The following TIFA variants were observed in gnomAD, a reference collection of about 807,000 sequenced individuals.
The protein encoded by TIFA is TRAF-interacting protein with FHA domain-containing protein A.
For missense variants in TIFA, 186 were observed against 215.2 expected, an observed-to-expected ratio of 0.86 and a Z score of 0.85; for synonymous variants, 75 against 79.2, an observed-to-expected ratio of 0.95 and a Z score of 0.28.
rs1727162647 is a variant in TIFA at position 112,278,373 on chromosome 4, C to A, written c.44G>T (p.Cys15Phe). Residue 15 changes from cysteine (C) to phenylalanine (F), a missense_variant, in exon 2 of 2, where the codon TGT becomes TTT. Coordinates refer to ENST00000361717, the MANE Select transcript of TIFA (RefSeq NM_052864.3). The part of the protein sequence containing the change: ...EDADTEETVT[C>F]LQMTVYHPGQ... The stretch of plus-strand genomic sequence containing the variant: ...AGGATGGTAAACCGTCATCTGGAGA[C>A]AAGTTACTGTCTCTTCTGTGTCAGC... 2 of 1,598,826 alleles carry A rather than the reference C, an allele frequency of 1.3e-6. No individual in the cohort carries two copies. Among genetic ancestry groups the A allele is most frequent in the Non-Finnish European group, 1.7e-6 (2 of 1,172,436 alleles).
chr4:112,285,057 A>G (rs1727296989), intron 1 of TIFA, among the ~76,000 whole-genome samples: 1 of 152,226 alleles, frequency 6.6e-6, no homozygotes, highest in African/African-American at 2.4e-5. Context: ...AGTGAGGCTC[A>G]GTGTGGATTT....
Position 112,278,265 on chromosome 4 carries a change from C to T in TIFA, c.152G>A (p.Arg51Gln), listed in dbSNP as rs748270021. 15 of 1,613,934 alleles carry T rather than the reference C, an allele frequency of 9.3e-6. No homozygotes were observed. Among genetic ancestry groups the T allele is most frequent in the African/African-American group, 5.3e-5 (4 of 74,900 alleles). Residue 51 changes from arginine (R) to glutamine (Q), a missense_variant, in exon 2 of 2, where the codon CGA becomes CAA. Arg to Gln is a conservative substitution (Grantham distance 43). Transcript: ENST00000361717. The part of the protein sequence containing the change: ...LPSSEVVKFG[R>Q]NSNICHYTFQ... Reference sequence around the variant, plus strand: ...AGTATAATGACAGATGTTGGAATTTCGGCCAAATTTCACCACTTCGCTGGA... The same window carrying T: ...AGTATAATGACAGATGTTGGAATTTTGGCCAAATTTCACCACTTCGCTGGA...
intron 1 of TIFA, among the ~76,000 whole-genome samples, chr4:112,279,590 ATACG>A (rs1727184990): frequency 6.6e-6 from 1 of 152,178 alleles, no homozygotes; most frequent in Non-Finnish European, 1.5e-5. Context: ...ACAAACACAC[ATACG>A]AGCACATTTC....
intron 1 of TIFA, among the ~76,000 whole-genome samples, chr4:112,283,030 A>G (rs1727254971): frequency 6.6e-6 from 1 of 152,148 alleles, no homozygotes; most frequent in African/African-American, 2.4e-5. Flanking sequence ...CTAATCTTCA[A>G]AATAACCCTG....
chr4:112,278,400 T>A lies in TIFA; in HGVS notation c.17A>T (p.Asp6Val). The change falls in exon 2 of 2, where the codon GAT (aspartate) becomes GTT (valine). Residue 6 changes from aspartate (D) to valine (V), a missense_variant. Transcript: ENST00000361717. ...AGTTACTGTCTCTTCTGTGTCAGCATCTTCAAAACTGGTCATGATGTGCAC... is the reference window on the plus strand; with the variant it reads ...AGTTACTGTCTCTTCTGTGTCAGCAACTTCAAAACTGGTCATGATGTGCAC... MTSFEDADTEETVTCL... is the reference protein window; with the variant it reads MTSFEVADTEETVTCL... 15 of 1,564,130 alleles carry A rather than the reference T, an allele frequency of 9.6e-6. No homozygotes were observed. The highest frequency in any genetic ancestry group is 1.3e-5 in the Non-Finnish European group (15 of 1,157,208).
In TIFA at chr4:112,275,367, G is replaced by T. The variant is rs1727089660; in HGVS notation, c.*2495C>A. 1 of 152,160 alleles carries T rather than the reference G, an allele frequency of 6.6e-6. No homozygotes were observed. Among genetic ancestry groups the T allele is most frequent in the Admixed American group, 6.5e-5 (1 of 15,282 alleles). The allele number at this position is 152,160 out of a possible 1,614,324, so 9.4% of individuals were successfully genotyped here. A position where few individuals can be genotyped will look rare whatever the true frequency, so the allele number is the denominator to read the frequency against. ...AGCATTCGAATCTCACCTGAGGTCT[G>T]CTGCATTCCTTCCTCGGTTCTATGA... On this transcript the variant is annotated 3_prime_UTR_variant, in exon 2 of 2. Transcript: ENST00000361717.
chr4:112,280,342 C>A, intron 1 of TIFA, among the ~76,000 whole-genome samples: 1 of 114,480 alleles, frequency 8.7e-6, no homozygotes, highest in African/African-American at 3.2e-5. Flanking sequence ...GCTGGCATTT[C>A]CTTTTTTTTT....
At chr4:112,279,137 ATTAT>A (rs1429347344) in intron 1 of TIFA, among the ~76,000 whole-genome samples, 2 of 152,240 alleles carry the variant, frequency 1.3e-5, no homozygotes, top group African/African-American at 4.8e-5. Context: ...TGGTATCAGA[ATTAT>A]TTATTTTTGT....
chr4:112,284,968 G>A (rs1727294924), intron 1 of TIFA, among the ~76,000 whole-genome samples: 1 of 151,760 alleles, frequency 6.6e-6, no homozygotes, highest in Non-Finnish European at 1.5e-5. Flanking sequence ...TTTCAGACAT[G>A]AGATTTTCTT....
intron 1 of TIFA, among the ~76,000 whole-genome samples, chr4:112,283,995 C>G (rs1252862938): frequency 2.6e-5 from 4 of 152,128 alleles, no homozygotes; most frequent in Admixed American, 1.3e-4. Context: ...ACAATAATAT[C>G]TGTGTTAACA....
rs1727142889 is a variant in TIFA at position 112,277,718 on chromosome 4, CT to C, written c.*143del. On this transcript the variant is annotated 3_prime_UTR_variant, in exon 2 of 2. Coordinates refer to ENST00000361717, the MANE Select transcript of TIFA (RefSeq NM_052864.3). The stretch of plus-strand genomic sequence containing the variant: ...GTTAATGACTAACACAATTTACAGA[CT>C]TCAAAATGATAATACTGAATTCCAA... The C allele has an allele frequency of 1.4e-6, 1 of 718,314 alleles. No individual in the cohort carries two copies. The allele number at this position is 718,314 out of a possible 1,614,324, so 44.5% of individuals were successfully genotyped here. A position where few individuals can be genotyped will look rare whatever the true frequency, so the allele number is the denominator to read the frequency against.
chr4:112,274,874 GT>G lies in TIFA; in HGVS notation c.*2987del, dbSNP rs1290666787. Reference sequence around the variant, plus strand: ...TAGGAACAGAATTCTCTAGAAAATGGTTATATGGCCTATGAGATTTAACCAC... The same window carrying G: ...TAGGAACAGAATTCTCTAGAAAATGGTATATGGCCTATGAGATTTAACCAC... On this transcript the variant is annotated 3_prime_UTR_variant, in exon 2 of 2. Coordinates refer to ENST00000361717, the MANE Select transcript of TIFA (RefSeq NM_052864.3). The G allele has an allele frequency of 1.3e-5, 2 of 152,098 alleles. No homozygotes were observed. Among genetic ancestry groups the G allele is most frequent in the African/African-American group, 4.8e-5 (2 of 41,412 alleles). The allele number at this position is 152,098 out of a possible 1,614,324, so 9.4% of individuals were successfully genotyped here.
In TIFA at chr4:112,278,241, G is replaced by A. The variant is rs1233680461; in HGVS notation, c.176C>T (p.Thr59Ile). The A allele has an allele frequency of 5.0e-6, 8 of 1,614,068 alleles. No homozygotes were observed. Among genetic ancestry groups the A allele is most frequent in the Non-Finnish European group, 6.8e-6 (8 of 1,179,990 alleles). ...FGRNSNICHY[T>I]FQDKQVSRVQ... Reference sequence around the variant, plus strand: ...TCGGGAAACCTGTTTGTCCTGAAAAGTATAATGACAGATGTTGGAATTTCG... The same window carrying A: ...TCGGGAAACCTGTTTGTCCTGAAAAATATAATGACAGATGTTGGAATTTCG... The change falls in exon 2 of 2, where the codon ACT (threonine) becomes ATT (isoleucine). Residue 59 changes from threonine to isoleucine, a missense_variant. By Grantham distance (89) the Thr-to-Ile change is moderately conservative. Coordinates refer to ENST00000361717, the MANE Select transcript of TIFA (RefSeq NM_052864.3).
chr4:112,282,904 C>T (rs867493882), intron 1 of TIFA, among the ~76,000 whole-genome samples: 8 of 152,066 alleles, frequency 5.3e-5, no homozygotes, highest in African/African-American at 1.9e-4. Context: ...CGTTTTGTGC[C>T]CCCTTCTCCA....
Position 112,277,808 on chromosome 4 carries a change from C to T in TIFA, c.*54G>A, listed in dbSNP as rs773157188. 10 of 1,488,536 alleles carry T rather than the reference C, an allele frequency of 6.7e-6. No homozygotes were observed. Among genetic ancestry groups the T allele is most frequent in the Non-Finnish European group, 8.1e-6 (9 of 1,111,362 alleles). The allele number at this position is 1,488,536 out of a possible 1,614,324, so 92.2% of individuals were successfully genotyped here. A position where few individuals can be genotyped will look rare whatever the true frequency, so the allele number is the denominator to read the frequency against. ...AATCAACTCTTATTTAGTGTCTATA[C>T]AGCATCTACAGAGCTCTTCATCCAT... On this transcript the variant is annotated 3_prime_UTR_variant, in exon 2 of 2. Coordinates refer to ENST00000361717, the MANE Select transcript of TIFA (RefSeq NM_052864.3).
chr4:112,281,400 C>A (rs900548061), intron 1 of TIFA, among the ~76,000 whole-genome samples: 12 of 152,046 alleles, frequency 7.9e-5, no homozygotes, highest in African/African-American at 2.9e-4. Flanking sequence ...ATACTCAGTC[C>A]CCAGGACAGA....
Position 112,280,409 on chromosome 4 carries a change from G to A in TIFA, c.-18-1975C>T, listed in dbSNP as rs188392239. 1.9e-3 allele frequency among the ~76,000 whole-genome samples: 272 copies of A among 142,442 alleles called. 1 individual carries two copies. The highest frequency in any genetic ancestry group is 6.1e-3 in the African/African-American group (232 of 38,278). 93.4% of individuals were successfully genotyped at this position (142,442 alleles called of 152,430 possible). ...TGTCACTGGAGTGCAGTGTGCAGTG[G>A]CGTGATCTTGGCTCACTGCAACCTC... On this transcript the variant is annotated intron_variant, in intron 1 of 1. Transcript: ENST00000361717.
Position 112,276,022 on chromosome 4 carries a change from T to A in TIFA, c.*1840A>T, listed in dbSNP as rs1727106181. 2 of 152,194 alleles carry A rather than the reference T, an allele frequency of 1.3e-5. No individual in the cohort carries two copies. Among genetic ancestry groups the A allele is most frequent in the African/African-American group, 4.8e-5 (2 of 41,448 alleles). The allele number at this position is 152,194 out of a possible 1,614,324, so 9.4% of individuals were successfully genotyped here. On this transcript the variant is annotated 3_prime_UTR_variant, in exon 2 of 2. Transcript: ENST00000361717. ...AGAATCAATAGTAGATAACCTTATA[T>A]TAAAGGGAGTATATTAGTTTTCTAT... is the stretch of plus-strand genomic sequence containing the variant.
intron 1 of TIFA, chr4:112,285,388 A>C (rs894494498): frequency 2.0e-5 from 3 of 152,162 alleles, no homozygotes; most frequent in African/African-American, 7.2e-5. Context: ...TACAGAGAAA[A>C]CACACCCCCA....
Sources: gnomAD v4.1 joint callset for allele counts (sites outside exome capture counted in the v4.1 genomes callset) on GRCh38, gnomAD v4.1.1 for gene constraint, MANE v1.5 for transcripts, NCBI Gene and HGNC (gene_info 2026-07-23, HGNC 2026-07-21) for gene names.